The following GBP6 variants were observed in gnomAD, a reference collection of about 807,000 sequenced individuals.
GBP6 encodes the protein guanylate binding protein family member 6, also known as guanylate-binding protein 6.
Under a neutral mutation model 61.5 loss-of-function variants are expected in GBP6, and 54 were observed. The ratio of observed to expected loss-of-function variants is 0.88; its 90% CI spans 0.71 to 1.10. The LOEUF (loss-of-function observed/expected upper bound fraction) is 1.10. GBP6 is among the 50% of genes least tolerant of loss of function. GBP6 has a pLI of 0.00. For missense variants in GBP6, 748 were observed against 752.8 expected (o/e 0.99, Z 0.07); for synonymous variants, 255 against 273.7 (o/e 0.93, Z 0.67).
rs539131019 is a variant in GBP6 at position 89,387,175 on chromosome 1, G to C, written c.*1706G>C. Among the ~76,000 whole-genome samples the C allele has an allele frequency of 1.3e-5, 2 of 152,184 alleles. No homozygotes were observed. Among genetic ancestry groups the C allele is most frequent in the African/African-American group, 2.4e-5 (1 of 41,514 alleles). On this transcript the variant is annotated 3_prime_UTR_variant, in exon 11 of 11. Transcript: ENST00000370456. ...CTCCAGGACCCAAATAAATGATAATGATTTCCCAAGTTCTCCTCCTAGGAA... is the reference window on the plus strand; with the variant it reads ...CTCCAGGACCCAAATAAATGATAATCATTTCCCAAGTTCTCCTCCTAGGAA...
chr1:89,380,350 T>A, intron 5 of GBP6, 36 bp from the exon 6 acceptor site: 1 of 1,567,906 alleles, frequency 6.4e-7, no homozygotes, highest in Non-Finnish European at 8.6e-7. Flanking sequence ...ACCAAGACTG[T>A]TTTCACTATA....
Position 89,386,966 on chromosome 1 carries a change from C to A in GBP6, c.*1497C>A, listed in dbSNP as rs1020637567. Among the ~76,000 whole-genome samples the A allele has an allele frequency of 6.6e-6, 1 of 152,164 alleles. No individual in the cohort carries two copies. The highest frequency in any genetic ancestry group is 1.5e-5 in the Non-Finnish European group (1 of 68,030). ...GAGATAATTCTGAAGATGGTCAATA[C>A]AATGGACCAGCCATAGGGTTAAATG... On this transcript the variant is annotated 3_prime_UTR_variant, in exon 11 of 11. Transcript: ENST00000370456.
At chr1:89,373,815 A>G (rs1652718907) in intron 3 of GBP6, among the ~76,000 whole-genome samples, 1 of 151,490 alleles carries the variant, frequency 6.6e-6, no homozygotes, top group African/African-American at 2.4e-5. Context: ...AAAGTATAAT[A>G]AAAATATATA....
Position 89,380,472 on chromosome 1 carries a change from C to T in GBP6, c.712C>T (p.Arg238Trp), listed in dbSNP as rs199555552. 4.8e-5 allele frequency: 77 copies of T among 1,614,016 alleles called. No individual in the cohort carries two copies. The highest frequency in any genetic ancestry group is 2.5e-4 in the Admixed American group (15 of 60,008). The stretch of plus-strand genomic sequence containing the variant: ...AAAACGGAAGTGTTTCGTCTTTGAC[C>T]GGCCAACAAATGACAAAGACCTTCT... ...FPKRKCFVFDRPTNDKDLLAN... is the reference protein window; with the variant it reads ...FPKRKCFVFDWPTNDKDLLAN... The change falls in exon 6 of 11, where the codon CGG becomes TGG. Residue 238 changes from arginine to tryptophan, a missense_variant. Transcript: ENST00000370456.
At position 89,385,463 on chromosome 1, in the gene GBP6, C is replaced by T. The variant is rs1313069766; in HGVS notation, c.1896C>T (p.Pro632=). Residue 632 remains proline, a synonymous_variant, in exon 11 of 11, where the codon CCC becomes CCT. Coordinates refer to ENST00000370456, the MANE Select transcript of GBP6 (RefSeq NM_198460.3). The stretch of plus-strand genomic sequence containing the variant: ...CACTCTTTAAAAAGCATAAGCTCCC[C>T]TTTTAAGGATATTATAGATTGTACA... ...VSSLFKKHKL[P]F 3.1e-6 allele frequency: 5 copies of T among 1,613,434 alleles called. No individual in the cohort carries two copies. The South Asian group carries it at 4.4e-5, about 14-fold the overall frequency.
chr1:89,367,464 CT>C (rs1652496142), intron 1 of GBP6, among the ~76,000 whole-genome samples: 1 of 152,114 alleles, frequency 6.6e-6, no homozygotes, highest in African/African-American at 2.4e-5. Flanking sequence ...GCCATTTCTT[CT>C]TTGGATAAAC....
rs1254286922 is a variant in GBP6 at position 89,385,545 on chromosome 1, T to TG, written c.*76_*77insG. 4 of 1,445,134 alleles carry TG rather than the reference T, an allele frequency of 2.8e-6. No homozygotes were observed. Among genetic ancestry groups the TG allele is most frequent in the African/African-American group, 1.4e-5 (1 of 69,994 alleles). 89.5% of individuals were successfully genotyped at this position (1,445,134 alleles called of 1,614,324 possible). A position where few individuals can be genotyped will look rare whatever the true frequency, so the allele number is the denominator to read the frequency against. On this transcript the variant is annotated 3_prime_UTR_variant, in exon 11 of 11. Transcript: ENST00000370456. Reference sequence around the variant, plus strand: ...TTTTTCATTTTCATTCAGCAAGTTTTTTTTTTTTTTCAGAGTCTTACTCTG... The same window carrying TG: ...TTTTTCATTTTCATTCAGCAAGTTTTGTTTTTTTTTTCAGAGTCTTACTCTG...
rs952959123 is a variant in GBP6, at chr1:89,387,146, GCA to G, written c.*1678_*1679del. Among the ~76,000 whole-genome samples the G allele has an allele frequency of 6.6e-6, 1 of 152,148 alleles. No homozygotes were observed. The highest frequency in any genetic ancestry group is 2.4e-5 in the African/African-American group (1 of 41,420). Reference sequence around the variant, plus strand: ...GGGCAGTACCCCAGGAAAGGACACTGCAACTCCAGGACCCAAATAAATGATAA... The same window carrying G: ...GGGCAGTACCCCAGGAAAGGACACTGACTCCAGGACCCAAATAAATGATAA... On this transcript the variant is annotated 3_prime_UTR_variant, in exon 11 of 11. Transcript: ENST00000370456.
rs748635790 is a variant in GBP6 at position 89,380,577 on chromosome 1, TTC to T, written c.818_819del (p.Phe273TyrfsTer49). The T allele has an allele frequency of 1.2e-6, 2 of 1,613,632 alleles. No individual in the cohort carries two copies. Among genetic ancestry groups the T allele is most frequent in the South Asian group, 2.2e-5 (2 of 91,070 alleles). On this transcript the variant is annotated frameshift_variant, in exon 6 of 11. Transcript: ENST00000370456. LOFTEE classifies it high-confidence loss of function. ...AACAAACATTTTCTGTTCTTACATC[TTC>T]ACTCATGCAAGAACCAAGACCCTCA... ...EQTNIFCSYIFTHARTKTLRE... is the reference protein window; with the variant it reads ...EQTNIFCSYIXTHARTKTLRE...
At chr1:89,375,088 A>C (rs560119167) in intron 3 of GBP6, among the ~76,000 whole-genome samples, 7 of 152,310 alleles carry the variant, frequency 4.6e-5, no homozygotes, top group African/African-American at 1.7e-4. Context: ...ATGTCCTTGA[A>C]AAGGACATGA....
intron 3 of GBP6, among the ~76,000 whole-genome samples, chr1:89,374,379 A>G (rs1652742528): frequency 6.6e-6 from 1 of 152,188 alleles, no homozygotes; most frequent in Admixed American, 6.5e-5. Context: ...ATATTTAAAT[A>G]TAAATATAAA....
Position 89,378,456 on chromosome 1 carries a change from C to T in GBP6, c.468C>T (p.Ser156=). The change falls in exon 5 of 11, where the codon TCC becomes TCT. Residue 156 remains serine, a synonymous_variant. Transcript: ENST00000370456. The part of the protein sequence containing the change: ...TELTELIKAK[S]SPRPDGVEDS... ...TCACAGAACTAATTAAGGCAAAGTC[C>T]TCCCCAAGGCCTGATGGAGTAGAAG... 3.7e-6 allele frequency: 6 copies of T among 1,614,054 alleles called. No individual in the cohort carries two copies. Among genetic ancestry groups the T allele is most frequent in the Non-Finnish European group, 5.1e-6 (6 of 1,179,982 alleles).
chr1:89,374,361 A>T (rs1652741585), intron 3 of GBP6, among the ~76,000 whole-genome samples: 1 of 152,188 alleles, frequency 6.6e-6, no homozygotes, highest in South Asian at 2.1e-4. Context: ...TTAAATATTC[A>T]TACTTCCATA....
At chr1:89,375,466 A>G (rs1285282876) in intron 3 of GBP6, among the ~76,000 whole-genome samples, 1 of 152,210 alleles carries the variant, frequency 6.6e-6, no homozygotes, top group Non-Finnish European at 1.5e-5. Context: ...TCAGAGAGCT[A>G]AAGACAGAAC....
Position 89,380,531 on chromosome 1 carries a change from G to T in GBP6, c.771G>T (p.Leu257=). The T allele has an allele frequency of 6.2e-7, 1 of 1,614,026 alleles. No individual in the cohort carries two copies. The highest frequency in any genetic ancestry group is 8.5e-7 in the Non-Finnish European group (1 of 1,179,996). ...TTGAGAAGGTGTCAGAAAAGCAACT[G>T]GATCCCAAATTCCAGGAACAAACAA... ...ANIEKVSEKQ[L]DPKFQEQTNI... The change falls in exon 6 of 11, where the codon CTG becomes CTT. Residue 257 remains leucine, a synonymous_variant. Transcript: ENST00000370456.
intron 3 of GBP6, among the ~76,000 whole-genome samples, chr1:89,375,093 A>G (rs775410344): frequency 2.0e-5 from 3 of 152,170 alleles, no homozygotes; most frequent in Non-Finnish European, 4.4e-5. Context: ...CTTGAAAAGG[A>G]CATGATTTTG....
chr1:89,374,280 C>T (rs946148452), intron 3 of GBP6, among the ~76,000 whole-genome samples: 2 of 152,124 alleles, frequency 1.3e-5, no homozygotes, highest in Non-Finnish European at 2.9e-5. Flanking sequence ...TCTGTTCATG[C>T]ATTGATGGAC....
At chr1:89,366,668 C>A (rs191082971) in intron 1 of GBP6, among the ~76,000 whole-genome samples, 1 of 152,134 alleles carries the variant, frequency 6.6e-6, no homozygotes, top group Admixed American at 6.5e-5. Flanking sequence ...ATTATCCAGG[C>A]TTTTGTCTTT....
At chr1:89,367,434 A>ATGTTTTCATGTGCTTATTGGCTATT (rs1450259519) in intron 1 of GBP6, among the ~76,000 whole-genome samples, 15 of 152,252 alleles carry the variant, frequency 9.9e-5, no homozygotes, top group Admixed American at 5.2e-4. Context: ...GATGTTGAGC[A>ATGTTTTCATGTGCTTATTGGCTATT]TGTTTTCATG....
Sources: gnomAD v4.1 joint callset for allele counts (sites outside exome capture counted in the v4.1 genomes callset) on GRCh38, gnomAD v4.1.1 for gene constraint, MANE v1.5 for transcripts, NCBI Gene and HGNC (gene_info 2026-07-23, HGNC 2026-07-21) for gene names.